The following ANKH variants were observed in gnomAD, a reference collection of about 807,000 sequenced individuals.
ANKH encodes the protein mineralization regulator ANKH.
Under a neutral mutation model 49.0 loss-of-function variants are expected in ANKH, and 15 were observed. The ratio of observed to expected loss-of-function variants is 0.31; its 90% CI spans 0.20 to 0.47. ANKH has a LOEUF of 0.47. ANKH is among the 20% of genes least tolerant of loss of function. The pLI is 1.00. For synonymous variants in ANKH, 273 were observed against 260.0 expected (o/e 1.05, Z -0.48); for missense variants, 429 against 652.0 (o/e 0.66, Z 3.72).
chr5:14,743,884 CCATA>C (rs1738445251), intron 7 of ANKH, among the ~76,000 whole-genome samples: 1 of 152,184 alleles, frequency 6.6e-6, no homozygotes, highest in Admixed American at 6.5e-5. Context: ...CTTACTGAAA[CCATA>C]CAGTGTTGTA....
At chr5:14,862,580 A>G (rs930139999) in intron 1 of ANKH, among the ~76,000 whole-genome samples, 1 of 152,218 alleles carries the variant, frequency 6.6e-6, no homozygotes, top group Admixed American at 6.5e-5. Flanking sequence ...GTAAGGCAGG[A>G]GGTGAGAACA....
At chr5:14,758,723 G>T in intron 2 of ANKH, 125 bp from the exon 3 acceptor site, 1 of 784,238 alleles carries the variant, frequency 1.3e-6, no homozygotes, top group Non-Finnish European at 2.2e-6. Flanking sequence ...AATTAGATAA[G>T]CAAATAGAAA....
chr5:14,709,757 T>C lies in ANKH; in HGVS notation c.*1440A>G, dbSNP rs1250248069. 1 of 152,628 alleles carries C rather than the reference T, an allele frequency of 6.6e-6. No individual in the cohort carries two copies. Among genetic ancestry groups the C allele is most frequent in the Non-Finnish European group, 1.5e-5 (1 of 68,042 alleles). 9.5% of individuals were successfully genotyped at this position (152,628 alleles called of 1,614,324 possible). A position where few individuals can be genotyped will look rare whatever the true frequency, so the allele number is the denominator to read the frequency against. ...TAAAACTGCTGCCAATAAGGTACAA[T>C]GTTCATTGATACAATACGTTTCAAC... On this transcript the variant is annotated 3_prime_UTR_variant, in exon 12 of 12. Transcript: ENST00000284268.
intron 4 of ANKH, 64 bp downstream of exon 4, chr5:14,755,797 C>T (rs983279986): frequency 4.8e-6 from 7 of 1,450,364 alleles, no homozygotes; most frequent in Middle Eastern, 1.7e-4. Flanking sequence ...ATAAATCACA[C>T]ATCAGTTACA....
Position 14,737,820 on chromosome 5 carries a change from C to A in ANKH, c.1011+4007G>T, listed in dbSNP as rs1738235752. ...ACTGTGTCTGCTCCCTCGTTGCTAT[C>A]AAGGGGATTCCGTTTCATCTGACAG... is the stretch of plus-strand genomic sequence containing the variant. On this transcript the variant is annotated intron_variant, in intron 8 of 11. Transcript: ENST00000284268. This position sits in a 1 kb window ranked among gnomAD's most constrained non-coding sequence, Gnocchi z 5.0. Among the ~76,000 whole-genome samples, 1 of 152,228 alleles carries A rather than the reference C, an allele frequency of 6.6e-6. No individual in the cohort carries two copies. The highest frequency in any genetic ancestry group is 2.1e-4 in the South Asian group (1 of 4,836).
chr5:14,733,007 A>G (rs961604078), intron 8 of ANKH, among the ~76,000 whole-genome samples: 4 of 152,154 alleles, frequency 2.6e-5, no homozygotes, highest in African/African-American at 9.7e-5. Flanking sequence ...CAAAGGAGGG[A>G]ACTTGTAAGA....
chr5:14,751,081 G>A lies in ANKH; in HGVS notation c.675C>T (p.Gly225=). 6.2e-7 allele frequency: 1 copy of A among 1,614,240 alleles called. No homozygotes were observed. The highest frequency in any genetic ancestry group is 1.7e-5 in the Admixed American group (1 of 60,034). Residue 225 remains glycine (G), a synonymous_variant, in exon 5 of 12, where the codon GGC becomes GGT. Coordinates refer to ENST00000284268, the MANE Select transcript of ANKH (RefSeq NM_054027.6). Reference sequence around the variant, plus strand: ...TTGGTAGACGTACCCCCAGCTCCGGGCCACTTCTGTCAGGGATGATGTCGT... The same window carrying A: ...TTGGTAGACGTACCCCCAGCTCCGGACCACTTCTGTCAGGGATGATGTCGT... ...NIHDIIPDRS[G]PELGGDATIR...
rs149391 is a variant in ANKH, at chr5:14,745,159, T to C, written c.915+711A>G. Among the ~76,000 whole-genome samples the C allele has an allele frequency of 0.32, 48,296 of 152,152 alleles. 8,733 individuals carry two copies. The highest frequency in any genetic ancestry group is 0.5 in the African/African-American group (20,883 of 41,480). On this transcript the variant is annotated intron_variant, in intron 7 of 11. Transcript: ENST00000284268. This position sits in a 1 kb window ranked among gnomAD's most constrained non-coding sequence, Gnocchi z 4.7. Reference sequence around the variant, plus strand: ...TAGCAGTCTGTTTGCTTCCTTCCTGTGTATCATTTTAAAACACTGTAGACT... The same window carrying C: ...TAGCAGTCTGTTTGCTTCCTTCCTGCGTATCATTTTAAAACACTGTAGACT...
At chr5:14,795,472 A>G (rs1475303725) in intron 1 of ANKH, among the ~76,000 whole-genome samples, 1 of 150,284 alleles carries the variant, frequency 6.7e-6, no homozygotes, top group Non-Finnish European at 1.5e-5. Flanking sequence ...GATAGGATGT[A>G]AAAAACCAAG....
chr5:14,734,585 AGGTGGAACTCG>A (rs1476428890), intron 8 of ANKH, among the ~76,000 whole-genome samples: 2 of 152,278 alleles, frequency 1.3e-5, no homozygotes, highest in Non-Finnish European at 2.9e-5. Context: ...TGCCTCTTTG[AGGTGGAACTCG>A]GGTCAGGCAG....
chr5:14,739,904 G>C (rs989961012), intron 8 of ANKH, among the ~76,000 whole-genome samples: 6 of 152,356 alleles, frequency 3.9e-5, no homozygotes, highest in Middle Eastern at 3.4e-3. Flanking sequence ...ATGGTTTTTA[G>C]ATAGAGGATT....
At chr5:14,773,668 A>T (rs965215909) in intron 1 of ANKH, among the ~76,000 whole-genome samples, 2 of 152,150 alleles carry the variant, frequency 1.3e-5, no homozygotes, top group Non-Finnish European at 2.9e-5. Context: ...TTCTCCCTAA[A>T]ATAACCCAAC....
chr5:14,819,764 G>A (rs1741143151), intron 1 of ANKH, among the ~76,000 whole-genome samples: 1 of 152,072 alleles, frequency 6.6e-6, no homozygotes, highest in Non-Finnish European at 1.5e-5. Flanking sequence ...TACTTGGGAG[G>A]CTGAGGTGGG....
At chr5:14,768,540 T>A (rs549033315) in intron 2 of ANKH, 2 of 242,940 alleles carry the variant, frequency 8.2e-6, no homozygotes, top group Non-Finnish European at 1.6e-5. Context: ...TAGAATAAGA[T>A]CCTAGAACAA....
At chr5:14,781,267 C>T (rs1347063042) in intron 1 of ANKH, among the ~76,000 whole-genome samples, 2 of 152,202 alleles carry the variant, frequency 1.3e-5, no homozygotes, top group East Asian at 1.9e-4. Flanking sequence ...CACGCCCACA[C>T]ATGAGGTTGT....
Position 14,713,485 on chromosome 5 carries a change from C to G in ANKH, c.1265+59G>C, listed in dbSNP as rs1329354513. On this transcript the variant is annotated intron_variant, in intron 10 of 11. Transcript: ENST00000284268. This position sits in a 1 kb window ranked among gnomAD's most constrained non-coding sequence, Gnocchi z 4.4. ...CCCTGAAAATGTAGCTGTTAAACCT[C>G]TGGACACAGTATTGAAGTGGCAGAA... 4 of 1,607,368 alleles carry G rather than the reference C, an allele frequency of 2.5e-6. No individual in the cohort carries two copies. In the African/African-American group the frequency reaches 4.0e-5, roughly 16 times the overall value.
At chr5:14,761,254 C>T (rs566179029) in intron 2 of ANKH, among the ~76,000 whole-genome samples, 17 of 152,260 alleles carry the variant, frequency 1.1e-4, no homozygotes, top group Admixed American at 3.9e-4. Context: ...CTGTGAAATG[C>T]TCAATTTCTG....
chr5:14,800,825 C>G (rs987982360), intron 1 of ANKH, among the ~76,000 whole-genome samples: 1 of 150,880 alleles, frequency 6.6e-6, no homozygotes, highest in Non-Finnish European at 1.5e-5. Context: ...CTCCTGGGCT[C>G]AAGCAATCCT....
At position 14,770,027 on chromosome 5, in the gene ANKH, G is replaced by A. The variant is rs538698054; in HGVS notation, c.97-836C>T. Among the ~76,000 whole-genome samples, 3 of 152,286 alleles carry A rather than the reference G, an allele frequency of 2.0e-5. No homozygotes were observed. The South Asian group carries it at 6.2e-4, about 32-fold the overall frequency. On this transcript the variant is annotated intron_variant, in intron 1 of 11. Transcript: ENST00000284268. This position sits in a 1 kb window ranked among gnomAD's most constrained non-coding sequence, Gnocchi z 4.1. ...TCAGTAACAGCAGACCAGTGGGAAT[G>A]GATGTCCAGGTAGAGAGAGCTTTCT...
Sources: allele counts gnomAD v4.1 joint callset (sites outside exome capture counted in the v4.1 genomes callset), GRCh38; gene constraint gnomAD v4.1.1; non-coding constraint Gnocchi (gnomAD v3.1); transcripts MANE v1.5; gene names NCBI Gene and HGNC (gene_info 2026-07-23, HGNC 2026-07-21).